Variants in RBFOX1 observed in about 807,000 individuals in gnomAD.
The protein encoded by RBFOX1 is RNA binding fox-1 homolog 1, also known as RNA binding protein fox-1 homolog 1.
A neutral mutation model predicts 57.7 loss-of-function variants in RBFOX1; 8 were observed. That is an observed-to-expected ratio of 0.14 (90% confidence interval 0.08 to 0.25). The LOEUF is 0.25. Among genes scored for constraint, RBFOX1 ranks in the 10% least tolerant of loss-of-function variants. RBFOX1 has a pLI of 1.00. For missense variants in RBFOX1, 611 were observed against 548.5 expected (o/e 1.11, Z -1.14); for synonymous variants, 326 against 222.4 (o/e 1.47, Z -4.15).
chr16:7,631,104 A>G (rs1211357599), intron 11 of RBFOX1, among the ~76,000 whole-genome samples: 1 of 152,176 alleles, frequency 6.6e-6, no homozygotes, highest in Non-Finnish European at 1.5e-5. Flanking sequence ...GGAAAATACC[A>G]CTAGCCTGCA....
At chr16:6,886,176 C>G (rs1315422642) in intron 3 of RBFOX1, among the ~76,000 whole-genome samples, 2 of 151,876 alleles carry the variant, frequency 1.3e-5, no homozygotes, top group Admixed American at 1.3e-4. Flanking sequence ...ACTCTCCTGC[C>G]TCAGCCTCCT....
At chr16:6,807,487 A>G (rs2087142823) in intron 3 of RBFOX1, among the ~76,000 whole-genome samples, 1 of 152,054 alleles carries the variant, frequency 6.6e-6, no homozygotes. Context: ...TGAGTTCTGC[A>G]CTCACTAATG....
In RBFOX1 at chr16:7,228,537, T is replaced by C. The variant is rs116259861; in HGVS notation, c.27+176439T>C. 6.2e-3 allele frequency among the ~76,000 whole-genome samples: 945 copies of C among 152,242 alleles called. 17 individuals carry two copies. The highest frequency in any genetic ancestry group is 0.021 in the African/African-American group (882 of 41,536). On this transcript the variant is annotated intron_variant, in intron 4 of 15. Coordinates refer to ENST00000550418, the MANE Select transcript of RBFOX1 (RefSeq NM_018723.4). ...GTTAATAGCAATGAAATTTTACAGA[T>C]TGGGAAACTGAAAACCAGAGAAGTG...
intron 4 of RBFOX1, among the ~76,000 whole-genome samples, chr16:7,302,726 A>C (rs1165275811): frequency 1.4e-5 from 2 of 144,940 alleles, no homozygotes; most frequent in Non-Finnish European, 3.0e-5. Flanking sequence ...ATTGCTGCCA[A>C]GAATGCAAGA....
intron 5 of RBFOX1, among the ~76,000 whole-genome samples, chr16:7,543,667 CTGTGTGTGTGTGTGTGTGTGTGTG>C (rs71150310): frequency 0.069 from 9,718 of 141,502 alleles, 375 homozygotes; most frequent in African/African-American, 0.11. Flanking sequence ...TGGGCAGTAT[CTGTGTGTGTGTGTGTGTGTGTGTG>C]TGTGTGTGTG....
rs540832604 is a variant in RBFOX1, at chr16:5,685,879, G to A, written c.318+86918G>A. On this transcript the variant is annotated intron_variant, in intron 3 of 19. Transcript: ENST00000641259. Reference sequence around the variant, plus strand: ...GACTTGGACAAAATCTTTTACATATGCAGAAAGAGATGTTCATTGCAGCAA... The same window carrying A: ...GACTTGGACAAAATCTTTTACATATACAGAAAGAGATGTTCATTGCAGCAA... 6.6e-5 allele frequency among the ~76,000 whole-genome samples: 10 copies of A among 152,296 alleles called. No individual in the cohort carries two copies. The South Asian group carries it at 2.1e-3, about 32-fold the overall frequency.
At chr16:5,639,440 G>T (rs560981139) in intron 3 of RBFOX1, among the ~76,000 whole-genome samples, 50 of 152,136 alleles carry the variant, frequency 3.3e-4, no homozygotes, top group Non-Finnish European at 2.5e-4. Flanking sequence ...CAGAAGTCTT[G>T]ATATGAATCA....
chr16:7,046,258 G>C (rs2047904487), intron 3 of RBFOX1, among the ~76,000 whole-genome samples: 1 of 151,872 alleles, frequency 6.6e-6, no homozygotes, highest in Admixed American at 6.6e-5. Context: ...GTGTGTGTGT[G>C]TGTGTGTGTA....
intron 1 of RBFOX1, among the ~76,000 whole-genome samples, chr16:6,076,501 T>C: frequency 6.6e-6 from 1 of 152,094 alleles, no homozygotes; most frequent in Non-Finnish European, 1.5e-5. Context: ...AGGGTCTTGC[T>C]CTGTCACCCA....
At chr16:5,559,759 A>G (rs1185442944) in intron 2 of RBFOX1, among the ~76,000 whole-genome samples, 1 of 152,144 alleles carries the variant, frequency 6.6e-6, no homozygotes, top group Non-Finnish European at 1.5e-5. Context: ...TTCAGTGATA[A>G]CCACTCCCCT....
intron 4 of RBFOX1, among the ~76,000 whole-genome samples, chr16:7,067,614 C>T (rs1010143976): frequency 1.3e-5 from 2 of 151,564 alleles, no homozygotes; most frequent in East Asian, 2.0e-4. Context: ...ATACATGTGC[C>T]ATGTTGGTGT....
At chr16:6,987,750 T>C (rs1190806154) in intron 3 of RBFOX1, among the ~76,000 whole-genome samples, 3 of 152,310 alleles carry the variant, frequency 2.0e-5, no homozygotes, top group Admixed American at 6.5e-5. Context: ...GTGGTGCCTC[T>C]TGCAGATAGC....
At chr16:6,808,795 C>T (rs115153011) in intron 3 of RBFOX1, among the ~76,000 whole-genome samples, 105 of 152,170 alleles carry the variant, frequency 6.9e-4, no homozygotes, top group African/African-American at 2.4e-3. Flanking sequence ...GTGTCTTCTC[C>T]CAGTCATAAC....
At chr16:6,887,143 G>C (rs866452696) in intron 3 of RBFOX1, among the ~76,000 whole-genome samples, 16 of 152,236 alleles carry the variant, frequency 1.1e-4, no homozygotes, top group Middle Eastern at 6.8e-3. Context: ...TGTTATTGTT[G>C]ACTCTGCTGT....
intron 2 of RBFOX1, among the ~76,000 whole-genome samples, chr16:6,552,814 G>A (rs926405231): frequency 6.6e-6 from 1 of 151,890 alleles, no homozygotes; most frequent in African/African-American, 2.4e-5. Context: ...AATGTATTAT[G>A]TGTAAGATAT....
chr16:7,047,318 C>G (rs993762571), intron 3 of RBFOX1, among the ~76,000 whole-genome samples: 1 of 152,194 alleles, frequency 6.6e-6, no homozygotes, highest in Non-Finnish European at 1.5e-5. Context: ...ATGTAGTATT[C>G]TCAGTTGACA....
intron 3 of RBFOX1, among the ~76,000 whole-genome samples, chr16:6,994,965 G>GTGTGTGTGTGTC (rs2092038603): frequency 6.6e-6 from 1 of 151,856 alleles, no homozygotes; most frequent in Non-Finnish European, 1.5e-5. Flanking sequence ...GTGTGTGTGT[G>GTGTGTGTGTGTC]TGTGTGTGTT....
chr16:7,622,471 T>G (rs1391753146), intron 10 of RBFOX1, among the ~76,000 whole-genome samples: 2 of 152,310 alleles, frequency 1.3e-5, no homozygotes, highest in East Asian at 3.9e-4. Flanking sequence ...TGCAGGAGAT[T>G]AAGTGAACAG....
At chr16:7,018,995 A>T (rs1282373158) in intron 3 of RBFOX1, among the ~76,000 whole-genome samples, 1 of 152,020 alleles carries the variant, frequency 6.6e-6, no homozygotes, top group East Asian at 1.9e-4. Context: ...ATAAGCAAAG[A>T]AGAAGCAAAA....
Sources: allele counts gnomAD v4.1 joint callset (sites outside exome capture counted in the v4.1 genomes callset), GRCh38; gene constraint gnomAD v4.1.1; transcripts MANE v1.5; gene names NCBI Gene and HGNC (gene_info 2026-07-23, HGNC 2026-07-21).